DMD: variants seen among roughly 807,000 people sequenced by gnomAD.
The protein encoded by DMD is dystrophin, also known as mutant dystrophin.
Under a neutral mutation model 330.1 loss-of-function variants are expected in DMD, and 63 were observed. The observed-to-expected ratio is 0.19, with a 90% confidence interval of 0.16 to 0.24. The LOEUF is 0.24. Among genes scored for constraint, DMD ranks in the 10% least tolerant of loss-of-function variants. The pLI, the probability that DMD is intolerant of heterozygous loss-of-function variation, is 1.00. For missense variants in DMD, 3,344 were observed against 2,684.1 expected, an observed-to-expected ratio of 1.25 and a Z score of -5.43; for synonymous variants, 1,223 against 959.8, an observed-to-expected ratio of 1.27 and a Z score of -5.07.
chrX:32,033,013 A>C (rs186348672), intron 44 of DMD, among the ~76,000 whole-genome samples: 25 of 112,615 alleles, frequency 2.2e-4, no homozygotes, highest in African/African-American at 7.1e-4. Flanking sequence ...ATGAATAGAT[A>C]AATGTGGTAT....
chrX:31,829,388 T>A (rs1320909579), intron 49 of DMD, among the ~76,000 whole-genome samples: 1 of 110,381 alleles, frequency 9.1e-6, no homozygotes, highest in Non-Finnish European at 1.9e-5. Flanking sequence ...TTATAAAAAA[T>A]AAGCAAAATA....
intron 1 of DMD, among the ~76,000 whole-genome samples, chrX:33,082,988 T>C (rs2094952794): frequency 8.9e-6 from 1 of 112,014 alleles, no homozygotes. Context: ...CTTCTTTCTA[T>C]TAACCAAACC....
intron 13 of DMD, among the ~76,000 whole-genome samples, chrX:32,591,476 G>A (rs2054899178): frequency 8.9e-6 from 1 of 111,995 alleles, no homozygotes; most frequent in Non-Finnish European, 1.9e-5. Context: ...AGAACAAAAG[G>A]CTTTCTTTAT....
intron 61 of DMD, among the ~76,000 whole-genome samples, chrX:31,331,497 G>A (rs755881358): frequency 3.6e-5 from 4 of 110,841 alleles, no homozygotes; most frequent in African/African-American, 6.6e-5. Flanking sequence ...AAAACATCAC[G>A]GTGATTATTA....
At chrX:31,541,169 T>C (rs1306745281) in intron 55 of DMD, among the ~76,000 whole-genome samples, 1 of 111,782 alleles carries the variant, frequency 8.9e-6, no homozygotes, top group Non-Finnish European at 1.9e-5. Context: ...ACGGAGAGAC[T>C]GAAGTTTAAC....
chrX:32,658,399 A>G lies in DMD; in HGVS notation c.961-13247T>C, dbSNP rs903839087. Among the ~76,000 whole-genome samples, 6 of 111,399 alleles carry G rather than the reference A, an allele frequency of 5.4e-5. No individual in the cohort carries two copies. The South Asian group carries it at 2.3e-3, about 42-fold the overall frequency. On this transcript the variant is annotated intron_variant, in intron 9 of 78. Transcript: ENST00000357033. ...ATAGGTATCTTCAATTTTGCAGACC[A>G]CTAAAGACCAGATGCCCCCAACTCA...
At chrX:32,236,446 G>A (rs944478469) in intron 43 of DMD, among the ~76,000 whole-genome samples, 5 of 111,867 alleles carry the variant, frequency 4.5e-5, no homozygotes, top group East Asian at 2.8e-4. Flanking sequence ...ATGGGAGTAC[G>A]TTATCTCACT....
At chrX:32,110,247 C>T (rs2096583478) in intron 44 of DMD, among the ~76,000 whole-genome samples, 2 of 111,792 alleles carry the variant, frequency 1.8e-5, no homozygotes, top group South Asian at 3.7e-4. Context: ...CAACACGTTG[C>T]AGAGTAAAAT....
intron 62 of DMD, among the ~76,000 whole-genome samples, chrX:31,310,320 C>G (rs560278152): frequency 1.9e-4 from 21 of 108,312 alleles, no homozygotes; most frequent in African/African-American, 6.7e-4. Context: ...AAGATATTTC[C>G]ACCTTGAACT....
At chrX:32,964,255 C>CA (rs781702491) in intron 2 of DMD, among the ~76,000 whole-genome samples, 694 of 34,917 alleles carry the variant, frequency 0.02, 23 homozygotes, top group East Asian at 0.041. Flanking sequence ...GACTCCATCT[C>CA]AAAAAAAAAA....
intron 7 of DMD, among the ~76,000 whole-genome samples, chrX:32,702,598 G>T (rs1018006630): frequency 9.0e-6 from 1 of 111,328 alleles, no homozygotes; most frequent in African/African-American, 3.3e-5. Context: ...CAATGAGAGG[G>T]TGACACCATC....
At chrX:32,149,835 G>C (rs762845042) in intron 44 of DMD, among the ~76,000 whole-genome samples, 1 of 111,913 alleles carries the variant, frequency 8.9e-6, no homozygotes, top group African/African-American at 3.2e-5. Context: ...AGAAACACTG[G>C]TAAGGGAAAA....
At chrX:32,617,402 A>G (rs748447540) in intron 11 of DMD, among the ~76,000 whole-genome samples, 17 of 111,552 alleles carry the variant, frequency 1.5e-4, no homozygotes, top group African/African-American at 5.2e-4. Flanking sequence ...ACCCAGGAAT[A>G]AATTAATGCA....
At chrX:31,202,533 TCCAA>T (rs1391108317) in intron 67 of DMD, among the ~76,000 whole-genome samples, 211 of 73,829 alleles carry the variant, frequency 2.9e-3, no homozygotes, top group Middle Eastern at 7.2e-3. Context: ...GGTAAATCTA[TCCAA>T]CTAACTATTA....
At chrX:32,644,630 A>C (rs73621815) in intron 10 of DMD, among the ~76,000 whole-genome samples, 5,750 of 110,246 alleles carry the variant, frequency 0.052, 401 homozygotes, top group African/African-American at 0.18. Context: ...GAAAGAAGCC[A>C]AACGAGTGTA....
chrX:31,289,949 C>T (rs960909261), intron 62 of DMD, among the ~76,000 whole-genome samples: 1 of 106,041 alleles, frequency 9.4e-6, no homozygotes, highest in South Asian at 4.3e-4. Flanking sequence ...GAGACAGAGT[C>T]TCACTCTGTC....
chrX:32,644,284 C>G lies in DMD; in HGVS notation c.1179G>C (p.Gln393His). 2 of 1,211,109 alleles carry G rather than the reference C, an allele frequency of 1.7e-6. No individual in the cohort carries two copies. The highest frequency in any genetic ancestry group is 2.2e-6 in the Non-Finnish European group (2 of 895,240). Residue 393 changes from glutamine to histidine, a missense_variant, in exon 11 of 79, where the codon CAG (glutamine) becomes CAC (histidine). By Grantham distance (24) the Gln-to-His change is conservative (BLOSUM62 0). Transcript: ENST00000357033. ...ATTGTAGAATATTACCAACCCGGCC[C>G]TGATGGGCTGTCAAATCCATCATGT... ...EGYMMDLTAH[Q>H]GRVGNILQLG...
Position 33,231,222 on chromosome X carries a change from G to T in DMD, c.7+108037C>A, listed in dbSNP as rs150084267. Among the ~76,000 whole-genome samples the T allele has an allele frequency of 3.9e-4, 43 of 111,347 alleles. No homozygotes were observed. The East Asian group carries it at 6.8e-3, about 18-fold the overall frequency. The stretch of plus-strand genomic sequence containing the variant: ...ACAACTTGGGCTCTTAGAAAGTAGG[G>T]CACATTGTCACCAGTTGAATTGTCA... On this transcript the variant is annotated intron_variant, in intron 1 of 17. Transcript: ENST00000288447.
chrX:32,017,168 T>C (rs1043244413), intron 44 of DMD, among the ~76,000 whole-genome samples: 9 of 112,080 alleles, frequency 8.0e-5, no homozygotes, highest in African/African-American at 2.9e-4. Flanking sequence ...TACCTTTTGA[T>C]TGGTTATTGT....
Sources: gnomAD v4.1 joint callset for allele counts (sites outside exome capture counted in the v4.1 genomes callset) on GRCh38, gnomAD v4.1.1 for gene constraint, MANE v1.5 for transcripts, NCBI Gene and HGNC (gene_info 2026-07-23, HGNC 2026-07-21) for gene names.